The following CA5A variants were observed in gnomAD, a reference collection of about 807,000 sequenced individuals.
CA5A encodes the protein carbonic anhydrase 5A, mitochondrial.
Under a neutral mutation model 37.1 loss-of-function variants are expected in CA5A, and 28 were observed. The observed-to-expected ratio is 0.75, with a 90% CI of 0.56 to 1.03. The LOEUF (loss-of-function observed/expected upper bound fraction) is 1.03, where lower values mean the gene tolerates loss of function less well. Ranked by LOEUF, CA5A falls within the 50% of genes least tolerant of loss-of-function variation. CA5A has a pLI of 0.00. For missense variants in CA5A, 444 were observed against 399.9 expected (o/e 1.11, Z -0.94); for synonymous variants, 171 against 158.4 (o/e 1.08, Z -0.60).
chr16:87,902,051 C>G, intron 4 of CA5A, 77 bp from the exon 5 acceptor site: 1 of 1,331,532 alleles, frequency 7.5e-7, no homozygotes, highest in Non-Finnish European at 1.1e-6. Flanking sequence ...GTAAATACAC[C>G]ACGTTTTAAA....
intron 2 of CA5A, among the ~76,000 whole-genome samples, chr16:87,919,618 C>T (rs1255211691): frequency 1.3e-5 from 2 of 152,190 alleles, no homozygotes; most frequent in African/African-American, 4.8e-5. Context: ...CCCCTGCACC[C>T]GGTTGCAGCC....
At chr16:87,889,207 A>G (rs1290960748) in intron 6 of CA5A, among the ~76,000 whole-genome samples, 1 of 151,838 alleles carries the variant, frequency 6.6e-6, no homozygotes, top group African/African-American at 2.4e-5. Context: ...GCGTTTAGCC[A>G]CTGTGCTAGG....
At chr16:87,914,934 A>C (rs1353850730) in intron 2 of CA5A, among the ~76,000 whole-genome samples, 1 of 152,206 alleles carries the variant, frequency 6.6e-6, no homozygotes, top group Middle Eastern at 3.2e-3. Flanking sequence ...CTTCGGAACG[A>C]GAGTTAATCC....
In CA5A at chr16:87,902,534, G is replaced by T. The variant is rs557145367; in HGVS notation, c.460-14C>A. On this transcript the variant is annotated splice_polypyrimidine_tract_variant and intron_variant, in intron 3 of 6. Transcript: ENST00000649794. ...AACTAAATGCAGCTGAAACACAATG[G>T]AAAGAGAACTTAAATTGATCAGCAA... 6.6e-5 allele frequency: 87 copies of T among 1,326,098 alleles called. No individual in the cohort carries two copies. In the East Asian group the frequency reaches 1.6e-3, roughly 25 times the overall value. 82.1% of individuals were successfully genotyped at this position (1,326,098 alleles called of 1,614,324 possible). A position where few individuals can be genotyped will look rare whatever the true frequency, so the allele number is the denominator to read the frequency against.
chr16:87,924,047 A>G (rs2056267107), intron 2 of CA5A: 1 of 985,336 alleles, frequency 1.0e-6, no homozygotes, highest in Non-Finnish European at 1.2e-6. Flanking sequence ...ACAAGGGGAG[A>G]AAAACCATTG....
In CA5A at chr16:87,888,169, C is replaced by T; in HGVS notation, c.878G>A (p.Trp293Ter). ...PLQPLMNRKV[W>*]ASFQATNEGT... ...CTCATTAGTGGCCTGGAAGGACGCC[C>T]AGACCTTCCGGTTCATCAAGGGTTG... The change falls in exon 7 of 7, where the codon TGG (tryptophan) becomes TAG (stop). Residue 293 changes from tryptophan to a stop codon, truncating the protein, a stop_gained. Transcript: ENST00000649794. LOFTEE classifies it low-confidence loss of function (END_TRUNC). The T allele has an allele frequency of 6.2e-7, 1 of 1,613,938 alleles. No individual in the cohort carries two copies. The highest frequency in any genetic ancestry group is 8.5e-7 in the Non-Finnish European group (1 of 1,179,856).
chr16:87,916,765 G>A (rs192265348), intron 2 of CA5A, among the ~76,000 whole-genome samples: 1 of 152,130 alleles, frequency 6.6e-6, no homozygotes, highest in Non-Finnish European at 1.5e-5. Context: ...GCACACAGGG[G>A]TCGCGGTGCA....
chr16:87,887,914 G>C, downstream of CA5A: 2 of 566,388 alleles, frequency 3.5e-6, no homozygotes, highest in Non-Finnish European at 5.8e-6. Context: ...CACTTGCGTT[G>C]GGTGCCATGG....
intron 1 of CA5A, among the ~76,000 whole-genome samples, chr16:87,933,683 G>A (rs528145827): frequency 6.6e-6 from 1 of 152,078 alleles, no homozygotes; most frequent in African/African-American, 2.4e-5. Flanking sequence ...CCCATGCCTG[G>A]TTCTAAAATT....
Position 87,936,299 on chromosome 16 carries a change from C to T in CA5A, c.142+10G>A. ...CAGTCGCATCTTAGGAAATTTGAGG[C>T]TCTACTTACAAGTGTTATTGCTGGT... On this transcript the variant is annotated intron_variant, in intron 1 of 6. Transcript: ENST00000649794. 8.7e-6 allele frequency: 14 copies of T among 1,602,912 alleles called. No homozygotes were observed. The highest frequency in any genetic ancestry group is 1.2e-5 in the Non-Finnish European group (14 of 1,170,334).
intron 2 of CA5A, among the ~76,000 whole-genome samples, chr16:87,914,622 G>T (rs1472137350): frequency 2.0e-5 from 3 of 152,120 alleles, no homozygotes; most frequent in Non-Finnish European, 1.5e-5. Context: ...GGAGGGAAGG[G>T]GCAGTTGCAG....
At position 87,908,850 on chromosome 16, in the gene CA5A, CT is replaced by C. The variant is rs550460980; in HGVS notation, c.341-3947del. ...CTTCTTTTTGAGACAGAGTTTCACTCTGTCGCCCAGGCTGGAATGCGGTGGC... is the reference window on the plus strand; with the variant it reads ...CTTCTTTTTGAGACAGAGTTTCACTCGTCGCCCAGGCTGGAATGCGGTGGC... On this transcript the variant is annotated intron_variant, in intron 2 of 6. Transcript: ENST00000649794. 3.1e-3 allele frequency among the ~76,000 whole-genome samples: 467 copies of C among 152,204 alleles called. 1 individual carries two copies. Among genetic ancestry groups the C allele is most frequent in the African/African-American group, 0.01 (432 of 41,516 alleles).
At chr16:87,924,676 G>T (rs959650995) in intron 2 of CA5A, among the ~76,000 whole-genome samples, 1 of 152,256 alleles carries the variant, frequency 6.6e-6, no homozygotes, top group East Asian at 1.9e-4. Flanking sequence ...AGACCTCCCC[G>T]TGACAGCAGG....
Position 87,901,935 on chromosome 16 carries a change from T to C in CA5A, c.595A>G (p.Ile199Val). 1 of 1,613,612 alleles carries C rather than the reference T, an allele frequency of 6.2e-7. No individual in the cohort carries two copies. The highest frequency in any genetic ancestry group is 8.5e-7 in the Non-Finnish European group (1 of 1,179,718). Residue 199 changes from isoleucine to valine, a missense_variant, in exon 5 of 7, where the codon ATC (isoleucine) becomes GTC (valine). Physicochemically the swap from Ile to Val is conservative, Grantham distance 29 (BLOSUM62 3). Coordinates refer to ENST00000649794, the MANE Select transcript of CA5A (RefSeq NM_001739.2). Reference sequence around the variant, plus strand: ...ACCTTATGTTTTATTTCCGGCAAGATGTCCACCAGCCTCTGCAGCGTCTGA... The same window carrying C: ...ACCTTATGTTTTATTTCCGGCAAGACGTCCACCAGCCTCTGCAGCGTCTGA... Reference protein sequence around the residue: ...HHQTLQRLVDILPEIKHKDAR... With the variant: ...HHQTLQRLVDVLPEIKHKDAR...
intron 6 of CA5A, among the ~76,000 whole-genome samples, chr16:87,889,103 G>A (rs1462859727): frequency 6.6e-6 from 1 of 152,026 alleles, no homozygotes; most frequent in African/African-American, 2.4e-5. Flanking sequence ...ATTTTTAGTA[G>A]AGATGGGGTT....
At chr16:87,908,978 C>T (rs1364218650) in intron 2 of CA5A, among the ~76,000 whole-genome samples, 1 of 147,486 alleles carries the variant, frequency 6.8e-6, no homozygotes. Context: ...TGCGCACCAC[C>T]ACACCCGGCT....
chr16:87,893,649 G>A lies in CA5A; in HGVS notation c.619-1695C>T, dbSNP rs540972466. 74 of 623,092 alleles carry A rather than the reference G, an allele frequency of 1.2e-4. 1 individual carries two copies. Among genetic ancestry groups the A allele is most frequent in the Admixed American group, 8.5e-4 (43 of 50,758 alleles). The allele number at this position is 623,092 out of a possible 1,614,324, so 38.6% of individuals were successfully genotyped here. ...GACGGAGTGCTGTGCCCCTGGTGCCGACAAGATAGCCGAGGCTCGGGCTGG... is the reference window on the plus strand; with the variant it reads ...GACGGAGTGCTGTGCCCCTGGTGCCAACAAGATAGCCGAGGCTCGGGCTGG... On this transcript the variant is annotated intron_variant, in intron 5 of 6. Transcript: ENST00000649794.
intron 1 of CA5A, among the ~76,000 whole-genome samples, chr16:87,929,656 A>G (rs1395289151): frequency 6.6e-6 from 1 of 151,764 alleles, no homozygotes; most frequent in African/African-American, 2.4e-5. Context: ...GCGGATCACG[A>G]GGTCAGGAGA....
chr16:87,889,949 C>T (rs73236993), intron 6 of CA5A, among the ~76,000 whole-genome samples: 16 of 152,212 alleles, frequency 1.1e-4, no homozygotes, highest in African/African-American at 3.9e-4. Flanking sequence ...GATGATGCAG[C>T]GCCCCCTAGA....
Sources: gnomAD v4.1 joint callset for allele counts (sites outside exome capture counted in the v4.1 genomes callset) on GRCh38, gnomAD v4.1.1 for gene constraint, MANE v1.5 for transcripts, NCBI Gene and HGNC (gene_info 2026-07-23, HGNC 2026-07-21) for gene names.